The following FUBP1 variants were observed in gnomAD, a reference collection of about 807,000 sequenced individuals.
The protein encoded by FUBP1 is far upstream element-binding protein 1.
FUBP1 carries 16 observed loss-of-function variants against 94.9 expected under a neutral mutation model. The observed-to-expected ratio is 0.17, with a 90% CI of 0.11 to 0.26. The LOEUF (loss-of-function observed/expected upper bound fraction) is 0.26. Ranked by LOEUF, FUBP1 falls within the 10% of genes least tolerant of loss-of-function variation. The pLI is 1.00. For synonymous variants in FUBP1, 279 were observed against 254.9 expected (o/e 1.09, Z -0.90); for missense variants, 583 against 808.6 (o/e 0.72, Z 3.38).
At chr1:77,972,608 AAAAATT>A (rs1337179441) in intron 1 of FUBP1, among the ~76,000 whole-genome samples, 1 of 151,354 alleles carries the variant, frequency 6.6e-6, no homozygotes, top group African/African-American at 2.4e-5. Flanking sequence ...AAAAAAAAAA[AAAAATT>A]AGCCAGGCAC....
Position 77,964,983 on chromosome 1 carries a change from GA to G in FUBP1, c.637-16del, listed in dbSNP as rs1264792911. 2 of 1,600,406 alleles carry G rather than the reference GA, an allele frequency of 1.2e-6. No homozygotes were observed. Among genetic ancestry groups the G allele is most frequent in the Non-Finnish European group, 1.7e-6 (2 of 1,168,022 alleles). On this transcript the variant is annotated splice_polypyrimidine_tract_variant and intron_variant, in intron 8 of 19. Transcript: ENST00000370768. ...CCAGCCCGTTCCTGTTACAATCATA[GA>G]AATAATATATATTAACAAAAGGAAG...
intron 18 of FUBP1, among the ~76,000 whole-genome samples, chr1:77,951,915 T>C (rs1653542712): frequency 6.6e-6 from 1 of 152,114 alleles, no homozygotes; most frequent in African/African-American, 2.4e-5. Flanking sequence ...GGGTTCAGAG[T>C]CTACCACATC....
chr1:77,976,085 T>C (rs1658543124), intron 1 of FUBP1, among the ~76,000 whole-genome samples: 1 of 152,204 alleles, frequency 6.6e-6, no homozygotes, highest in Admixed American at 6.5e-5. Context: ...CCTATATCTC[T>C]TCCTTCCAAA....
chr1:77,947,783 GAAAAA>G lies in FUBP1; in HGVS notation c.*978_*982del. ...ACAAAGCTTATCTATACTGCATAAA[GAAAAA>G]AAAAAAGCTTGAACGTTTCCATACC... is the stretch of plus-strand genomic sequence containing the variant. On this transcript the variant is annotated 3_prime_UTR_variant, in exon 20 of 20. Transcript: ENST00000370768. 1.7e-6 allele frequency: 1 copy of G among 603,016 alleles called. No homozygotes were observed. Among genetic ancestry groups the G allele is most frequent in the Non-Finnish European group, 2.3e-6 (1 of 440,470 alleles). The allele number at this position is 603,016 out of a possible 1,614,324, so 37.4% of individuals were successfully genotyped here. A position where few individuals can be genotyped will look rare whatever the true frequency, so the allele number is the denominator to read the frequency against.
intron 1 of FUBP1, among the ~76,000 whole-genome samples, chr1:77,978,317 AG>A (rs1204140124): frequency 6.6e-6 from 1 of 152,210 alleles, no homozygotes; most frequent in Non-Finnish European, 1.5e-5. Flanking sequence ...TTGAGAAATA[AG>A]GGGGGCGGAC....
Position 77,967,030 on chromosome 1 carries a change from TA to T in FUBP1, c.343+18del. 6.4e-7 allele frequency: 1 copy of T among 1,572,508 alleles called. No individual in the cohort carries two copies. On this transcript the variant is annotated intron_variant, in intron 5 of 19. Transcript: ENST00000370768. ...TGTTTTGATCATGTTTTCAAAACTT[TA>T]AAAATCAAGTTACTTACTGAATCCA...
In FUBP1 at chr1:77,947,783, GAAA is replaced by G. The variant is rs897174084; in HGVS notation, c.*980_*982del. 3.3e-6 allele frequency: 2 copies of G among 603,322 alleles called. No homozygotes were observed. The highest frequency in any genetic ancestry group is 4.5e-6 in the Non-Finnish European group (2 of 440,626). 37.4% of individuals were successfully genotyped at this position (603,322 alleles called of 1,614,324 possible). A position where few individuals can be genotyped will look rare whatever the true frequency, so the allele number is the denominator to read the frequency against. On this transcript the variant is annotated 3_prime_UTR_variant, in exon 20 of 20. Transcript: ENST00000370768. ...ACAAAGCTTATCTATACTGCATAAA[GAAA>G]AAAAAAAAGCTTGAACGTTTCCATA... is the stretch of plus-strand genomic sequence containing the variant.
At chr1:77,954,821 G>A (rs1460599955) in intron 18 of FUBP1, among the ~76,000 whole-genome samples, 1 of 152,086 alleles carries the variant, frequency 6.6e-6, no homozygotes, top group Non-Finnish European at 1.5e-5. Context: ...GACAAGCTTG[G>A]GACTCAGACC....
At position 77,946,740 on chromosome 1, in the gene FUBP1, TAA is replaced by T. The variant is rs1248128015; in HGVS notation, c.*2024_*2025del. 1 of 206,982 alleles carries T rather than the reference TAA, an allele frequency of 4.8e-6. No homozygotes were observed. The highest frequency in any genetic ancestry group is 9.9e-6 in the Non-Finnish European group (1 of 101,264). 12.8% of individuals were successfully genotyped at this position (206,982 alleles called of 1,614,324 possible). A position where few individuals can be genotyped will look rare whatever the true frequency, so the allele number is the denominator to read the frequency against. On this transcript the variant is annotated 3_prime_UTR_variant, in exon 20 of 20. Coordinates refer to ENST00000370768, the MANE Select transcript of FUBP1 (RefSeq NM_003902.5). ...CACCACTTTCCTAAAAGGTCATCTA[TAA>T]AACAGTATCATGCAAAATACTGCAA...
chr1:77,957,802 AAT>A (rs1420773809), intron 16 of FUBP1, among the ~76,000 whole-genome samples: 1 of 151,668 alleles, frequency 6.6e-6, no homozygotes, highest in African/African-American at 2.4e-5. Flanking sequence ...TACATATCTC[AAT>A]AGTGTCATTA....
At chr1:77,967,261 G>C (rs1299447753) in intron 4 of FUBP1, among the ~76,000 whole-genome samples, 160 bp from the exon 5 acceptor site, 1 of 152,172 alleles carries the variant, frequency 6.6e-6, no homozygotes, top group African/African-American at 2.4e-5. Context: ...CTTATTACTT[G>C]AGTAGTTAAA....
intron 1 of FUBP1, 21 bp from the exon 2 acceptor site, chr1:77,970,036 T>C (rs2102455869): frequency 7.8e-7 from 1 of 1,275,044 alleles, no homozygotes; most frequent in Non-Finnish European, 1.1e-6. Flanking sequence ...AAAAGAAAAA[T>C]ACCATCATAA....
At chr1:77,960,109 A>C in intron 16 of FUBP1, 75 bp downstream of exon 16, 1 of 1,063,232 alleles carries the variant, frequency 9.4e-7, no homozygotes, top group Non-Finnish European at 1.4e-6. Flanking sequence ...ATGTAGAATC[A>C]ACACTAGAAA....
chr1:77,964,911 C>T lies in FUBP1; in HGVS notation c.694G>A (p.Asp232Asn). 1.2e-6 allele frequency: 2 copies of T among 1,612,304 alleles called. No individual in the cohort carries two copies. Among genetic ancestry groups the T allele is most frequent in the Non-Finnish European group, 1.7e-6 (2 of 1,178,354 alleles). Residue 232 changes from aspartate (D) to asparagine (N), a missense_variant, in exon 9 of 20, where the codon GAC (aspartate) becomes AAC (asparagine). Asp to Asn is a conservative substitution (Grantham distance 23). Coordinates refer to ENST00000370768, the MANE Select transcript of FUBP1 (RefSeq NM_003902.5). Reference protein sequence around the residue: ...IQDGPQNTGADKPLRITGDPY... With the variant: ...IQDGPQNTGANKPLRITGDPY... ...TCTCCTGTAATCCTAAGAGGTTTGTCAGCACCAGTGTTCTGCGGCCCGTCT... is the reference window on the plus strand; with the variant it reads ...TCTCCTGTAATCCTAAGAGGTTTGTTAGCACCAGTGTTCTGCGGCCCGTCT...
chr1:77,955,944 T>C (rs1654375278), intron 17 of FUBP1, among the ~76,000 whole-genome samples: 1 of 152,170 alleles, frequency 6.6e-6, no homozygotes, highest in African/African-American at 2.4e-5. Flanking sequence ...ACAATCTTAC[T>C]GTGCCAGACA....
At chr1:77,959,854 C>T (rs1228608655) in intron 16 of FUBP1, among the ~76,000 whole-genome samples, 1 of 152,158 alleles carries the variant, frequency 6.6e-6, no homozygotes, top group Non-Finnish European at 1.5e-5. Flanking sequence ...ACTATTTTTC[C>T]ACAGATAATG....
chr1:77,953,466 G>C (rs1653891086), intron 18 of FUBP1, among the ~76,000 whole-genome samples: 1 of 152,164 alleles, frequency 6.6e-6, no homozygotes, highest in Admixed American at 6.5e-5. Flanking sequence ...ACTCCAGCCT[G>C]GGCGAGAGTG....
intron 18 of FUBP1, among the ~76,000 whole-genome samples, chr1:77,953,975 T>C (rs1173934366): frequency 1.3e-5 from 2 of 151,910 alleles, no homozygotes; most frequent in African/African-American, 4.8e-5. Context: ...ATTGAGAAAA[T>C]AGAAGTTGAA....
intron 1 of FUBP1, among the ~76,000 whole-genome samples, chr1:77,970,526 T>C (rs1015134768): frequency 2.0e-5 from 3 of 152,206 alleles, no homozygotes; most frequent in Non-Finnish European, 4.4e-5. Flanking sequence ...TAAATTTTTA[T>C]ATTAAGCACA....
Sources: gnomAD v4.1 joint callset for allele counts (sites outside exome capture counted in the v4.1 genomes callset) on GRCh38, gnomAD v4.1.1 for gene constraint, MANE v1.5 for transcripts, NCBI Gene and HGNC (gene_info 2026-07-23, HGNC 2026-07-21) for gene names.